Variants in GAGE12H observed in about 807,000 individuals in gnomAD.
GAGE12H encodes GAGE-12H.
At chrX:49,582,036 G>C (rs1215489898) in intron 3 of GAGE12H, among the ~76,000 whole-genome samples, 2 of 76,148 alleles carry the variant, frequency 2.6e-5, no homozygotes, top group East Asian at 7.4e-4. Context: ...TGTTATCCAA[G>C]AACCCTTGAC....
At chrX:49,581,846 G>T (rs2066580532) in intron 3 of GAGE12H, 73 bp downstream of exon 3, 1 of 646,459 alleles carries the variant, frequency 1.5e-6, no homozygotes, top group Admixed American at 3.6e-5. Flanking sequence ...GTGCACGTGT[G>T]TGTGTGTTAG....
At chrX:49,581,971 C>G (rs1397863114) in intron 3 of GAGE12H, among the ~76,000 whole-genome samples, 198 bp downstream of exon 3, 2 of 76,064 alleles carry the variant, frequency 2.6e-5, no homozygotes, top group Admixed American at 1.3e-4. Flanking sequence ...AAATCCCTCA[C>G]TATGATAAAA....
intron 3 of GAGE12H, among the ~76,000 whole-genome samples, chrX:49,582,411 TTAACGTGAGATG>T (rs2066582817): frequency 2.1e-4 from 1 of 4,833 alleles, no homozygotes; most frequent in African/African-American, 5.0e-4. Context: ...TATCCTGAGA[TTAACGTGAGATG>T]GAAATAATTT....
intron 3 of GAGE12H, among the ~76,000 whole-genome samples, chrX:49,582,059 C>T (rs1224699137): frequency 2.6e-5 from 2 of 75,679 alleles, no homozygotes; most frequent in African/African-American, 7.8e-5. Flanking sequence ...GTGAATACAA[C>T]ATTTGTACTG....
At chrX:49,581,825 C>CGT (rs781830474) in intron 3 of GAGE12H, 52 bp downstream of exon 3, 109 of 658,850 alleles carry the variant, frequency 1.7e-4, no homozygotes, top group Middle Eastern at 1.2e-3. Flanking sequence ...TGTGTGTGTT[C>CGT]GTGTGTGTGT....
intron 3 of GAGE12H, among the ~76,000 whole-genome samples, chrX:49,582,075 T>C (rs77362689): frequency 0.16 from 5,866 of 37,686 alleles, 11 homozygotes; most frequent in Admixed American, 0.23. Flanking sequence ...TACTGTGTTC[T>C]AAGGTTTGTG....
Position 49,581,638 on chromosome X carries a change from AC to A in GAGE12H, c.85-14del. ...AAACTTATTTTTTATTTGCACACCC[AC>A]ACGTATTCCCCAGCCCGAGCAGTTC... On this transcript the variant is annotated splice_polypyrimidine_tract_variant and intron_variant, in intron 2 of 4. Coordinates refer to ENST00000381722, the MANE Select transcript of GAGE12H (RefSeq NM_001098410.3). 1 of 662,540 alleles carries A rather than the reference AC, an allele frequency of 1.5e-6. No individual in the cohort carries two copies. The highest frequency in any genetic ancestry group is 2.1e-6 in the Non-Finnish European group (1 of 476,974). The allele number at this position is 662,540 out of a possible 1,213,427, so 54.6% of individuals were successfully genotyped here.
chrX:49,581,636 C>CCA lies in GAGE12H; in HGVS notation c.85-13_85-12dup. 1 of 658,690 alleles carries CCA rather than the reference C, an allele frequency of 1.5e-6. No individual in the cohort carries two copies. Among genetic ancestry groups the CCA allele is most frequent in the Non-Finnish European group, 2.1e-6 (1 of 474,340 alleles). The allele number at this position is 658,690 out of a possible 1,213,427, so 54.3% of individuals were successfully genotyped here. A position where few individuals can be genotyped will look rare whatever the true frequency, so the allele number is the denominator to read the frequency against. ...CGAAACTTATTTTTTATTTGCACAC[C>CCA]CACACGTATTCCCCAGCCCGAGCAG... is the stretch of plus-strand genomic sequence containing the variant. On this transcript the variant is annotated splice_polypyrimidine_tract_variant and intron_variant, in intron 2 of 4. Transcript: ENST00000381722.
intron 3 of GAGE12H, among the ~76,000 whole-genome samples, chrX:49,582,060 A>G (rs1557129880): frequency 2.6e-5 from 2 of 75,715 alleles, no homozygotes; most frequent in Non-Finnish European, 6.4e-5. Flanking sequence ...TGAATACAAC[A>G]TTTGTACTGT....
chrX:49,582,244 G>GC (rs2066582310), intron 3 of GAGE12H, among the ~76,000 whole-genome samples: 1 of 72,197 alleles, frequency 1.4e-5, no homozygotes, highest in Admixed American at 1.4e-4. Flanking sequence ...CTGAATGTTG[G>GC]CCCCCGTTTC....
chrX:49,581,932 G>C (rs2066580850), intron 3 of GAGE12H, among the ~76,000 whole-genome samples, 159 bp downstream of exon 3: 1 of 75,405 alleles, frequency 1.3e-5, no homozygotes, highest in Non-Finnish European at 3.2e-5. Context: ...AAAGCGAGGA[G>C]GCTATGTAGT....
chrX:49,581,933 G>T (rs1311870364), intron 3 of GAGE12H, among the ~76,000 whole-genome samples, 160 bp downstream of exon 3: 7 of 75,407 alleles, frequency 9.3e-5, no homozygotes, highest in African/African-American at 2.7e-4. Flanking sequence ...AAGCGAGGAG[G>T]CTATGTAGTT....
chrX:49,581,938 G>A (rs2066580891), intron 3 of GAGE12H, among the ~76,000 whole-genome samples, 165 bp downstream of exon 3: 1 of 75,635 alleles, frequency 1.3e-5, no homozygotes, highest in Non-Finnish European at 3.2e-5. Context: ...AGGAGGCTAT[G>A]TAGTTTGCAG....
In GAGE12H at chrX:49,581,725, C is replaced by A. The variant is rs201194880; in HGVS notation, c.157C>A (p.Pro53Thr). ...GGAACCAGCAACTCAATGTCAGGAT[C>A]CTGCAGCTGCTCAGAAGGGAGAGGA... is the stretch of plus-strand genomic sequence containing the variant. The part of the protein sequence containing the change: ...EGEPATQCQD[P>T]AAAQKGEDEG... The change falls in exon 3 of 5, where the codon CCT (proline) becomes ACT (threonine). Residue 53 changes from proline (P) to threonine (T), a missense_variant. Pro to Thr is a conservative substitution (Grantham distance 38). Transcript: ENST00000381722. 2.4e-5 allele frequency: 17 copies of A among 694,079 alleles called. 4 individuals are homozygous for A. The highest frequency in any genetic ancestry group is 3.0e-5 in the Non-Finnish European group (15 of 501,838). 57.2% of individuals were successfully genotyped at this position (694,079 alleles called of 1,213,427 possible). A position where few individuals can be genotyped will look rare whatever the true frequency, so the allele number is the denominator to read the frequency against.
intron 3 of GAGE12H, among the ~76,000 whole-genome samples, 187 bp downstream of exon 3, chrX:49,581,960 C>G (rs1557129864): frequency 1.3e-5 from 1 of 75,954 alleles, no homozygotes; most frequent in Non-Finnish European, 3.2e-5. Flanking sequence ...TTAGCTTAGG[C>G]AAATCCCTCA....
Position 49,581,767 on chromosome X carries a change from G to A in GAGE12H, c.199G>A (p.Gly67Ser). Reference protein sequence around the residue: ...QKGEDEGASAGQGPKPEAHSQ... With the variant: ...QKGEDEGASASQGPKPEAHSQ... ...GGGAGAGGATGAGGGAGCATCTGCA[G>A]GTCAAGGTGAGGGAAAGGGAAGAAG... Residue 67 changes from glycine to serine, a missense_variant, in exon 3 of 5, where the codon GGT becomes AGT. Physicochemically the swap from Gly to Ser is moderately conservative, Grantham distance 56 (BLOSUM62 0). Transcript: ENST00000381722. 1.4e-6 allele frequency: 1 copy of A among 692,992 alleles called. No individual in the cohort carries two copies. Among genetic ancestry groups the A allele is most frequent in the Non-Finnish European group, 2.0e-6 (1 of 501,273 alleles). The allele number at this position is 692,992 out of a possible 1,213,427, so 57.1% of individuals were successfully genotyped here.
intron 2 of GAGE12H, among the ~76,000 whole-genome samples, 154 bp downstream of exon 2, chrX:49,581,341 AT>A (rs1166352870): frequency 8.7e-4 from 2 of 2,286 alleles, no homozygotes; most frequent in Admixed American, 3.6e-3. Context: ...ATTCTGGAGG[AT>A]TTTTTTTTTC....
chrX:49,581,841 CGT>C (rs1569532053), intron 3 of GAGE12H, 68 bp downstream of exon 3: 111 of 646,508 alleles, frequency 1.7e-4, no homozygotes, highest in Admixed American at 5.0e-4. Flanking sequence ...TGTGTGTGCA[CGT>C]GTGTGTGTGT....
Sources: allele counts gnomAD v4.1 joint callset (sites outside exome capture counted in the v4.1 genomes callset), GRCh38; gene constraint gnomAD v4.1.1; transcripts MANE v1.5; gene names NCBI Gene and HGNC (gene_info 2026-07-23, HGNC 2026-07-21).